The following PRPF3 variants were observed in gnomAD, a reference collection of about 807,000 sequenced individuals.
PRPF3 encodes the protein pre-mRNA processing factor 3, also known as U4/U6 small nuclear ribonucleoprotein Prp3.
Under a neutral mutation model 89.2 loss-of-function variants are expected in PRPF3, and 3 were observed. The observed-to-expected ratio is 0.03, with a 90% CI of 0.02 to 0.09. PRPF3 has a LOEUF of 0.09. Among genes scored for constraint, PRPF3 ranks in the 10% least tolerant of loss-of-function variants. PRPF3 has a pLI of 1.00. For missense variants in PRPF3, 463 were observed against 828.8 expected (o/e 0.56, Z 5.42); for synonymous variants, 270 against 289.1 (o/e 0.93, Z 0.67).
chr1:150,349,643 C>T (rs372258169), intron 15 of PRPF3, among the ~76,000 whole-genome samples: 14 of 152,120 alleles, frequency 9.2e-5, no homozygotes, highest in African/African-American at 3.4e-4. Context: ...GGGCAAGACA[C>T]TTAATGTCAA....
At chr1:150,333,303 T>TA in intron 6 of PRPF3, 104 bp downstream of exon 6, 1 of 1,272,400 alleles carries the variant, frequency 7.9e-7, no homozygotes, top group South Asian at 1.3e-5. Context: ...CTCAGGCCTG[T>TA]AATCGTAGCA....
intron 6 of PRPF3, 92 bp downstream of exon 6, chr1:150,333,291 G>T: frequency 7.3e-7 from 1 of 1,377,862 alleles, no homozygotes; most frequent in South Asian, 1.2e-5. Context: ...TGGGCGCAGT[G>T]CCTCAGGCCT....
intron 8 of PRPF3, 77 bp downstream of exon 8, chr1:150,338,403 G>A: frequency 7.2e-7 from 1 of 1,394,562 alleles, no homozygotes; most frequent in South Asian, 1.2e-5. Flanking sequence ...ATACCTTTTA[G>A]TAAAGCTATG....
At chr1:150,334,892 A>G in intron 6 of PRPF3, 43 bp from the exon 7 acceptor site, 1 of 1,609,434 alleles carries the variant, frequency 6.2e-7, no homozygotes, top group African/African-American at 1.3e-5. Context: ...TGCTTGCCTT[A>G]ATGTTCCATA....
intron 9 of PRPF3, among the ~76,000 whole-genome samples, chr1:150,341,124 AAAAG>A (rs1302766542): frequency 2.0e-5 from 3 of 149,788 alleles, no homozygotes; most frequent in South Asian, 4.2e-4. Context: ...AAAAAAAAAA[AAAAG>A]AAGAAAGAAA....
At chr1:150,339,123 T>C (rs1572243784) in intron 8 of PRPF3, among the ~76,000 whole-genome samples, 3 of 151,814 alleles carry the variant, frequency 2.0e-5, no homozygotes, top group Admixed American at 2.0e-4. Context: ...TCCAGCACTT[T>C]GGGAGGCTGA....
chr1:150,331,259 G>C (rs191442951), intron 4 of PRPF3, among the ~76,000 whole-genome samples: 11 of 152,010 alleles, frequency 7.2e-5, no homozygotes, highest in Non-Finnish European at 1.5e-4. Flanking sequence ...GGATGGTCTC[G>C]ATCTCCTGAC....
intron 3 of PRPF3, among the ~76,000 whole-genome samples, chr1:150,327,257 G>A (rs1057035740): frequency 6.6e-5 from 10 of 151,810 alleles, no homozygotes; most frequent in African/African-American, 1.5e-4. Context: ...TAGTAGAGAC[G>A]GGGTTTCATC....
intron 12 of PRPF3, 136 bp downstream of exon 12, chr1:150,344,683 C>G: frequency 1.1e-6 from 1 of 928,352 alleles, no homozygotes; most frequent in East Asian, 2.7e-5. Flanking sequence ...TAGTGTGGAT[C>G]AAGAGCTAGT....
chr1:150,339,004 T>C (rs1657365261), intron 8 of PRPF3, among the ~76,000 whole-genome samples: 1 of 152,128 alleles, frequency 6.6e-6, no homozygotes, highest in Admixed American at 6.6e-5. Flanking sequence ...TTATAGGTGT[T>C]TACATTTCCT....
At chr1:150,331,934 T>A (rs911627419) in intron 4 of PRPF3, among the ~76,000 whole-genome samples, 9 of 151,996 alleles carry the variant, frequency 5.9e-5, no homozygotes, top group South Asian at 2.1e-4. Flanking sequence ...TTAAAAAAAA[T>A]TAAGTATAGG....
chr1:150,352,701 AT>A (rs1368710234), intron 15 of PRPF3, 131 bp from the exon 16 acceptor site: 1,311 of 981,686 alleles, frequency 1.3e-3, no homozygotes, highest in Middle Eastern at 2.3e-3. Flanking sequence ...GGAGGTCACA[AT>A]TTTTTTTTAA....
At chr1:150,340,315 T>C in intron 8 of PRPF3, 83 bp from the exon 9 acceptor site, 2 of 1,044,246 alleles carry the variant, frequency 1.9e-6, no homozygotes, top group Admixed American at 3.6e-5. Flanking sequence ...AGAGAGTGGG[T>C]TTTTTCATTG....
intron 1 of PRPF3, among the ~76,000 whole-genome samples, chr1:150,321,923 CAA>C (rs782708392): frequency 5.7e-4 from 86 of 152,122 alleles, no homozygotes; most frequent in Non-Finnish European, 1.0e-3. Flanking sequence ...TTGTAGCAAA[CAA>C]GAGCACGGAG....
At chr1:150,322,876 C>CTTT (rs113626826) in intron 1 of PRPF3, among the ~76,000 whole-genome samples, 2,952 of 146,404 alleles carry the variant, frequency 0.02, 132 homozygotes, top group African/African-American at 0.071. Context: ...ATTTAGACAC[C>CTTT]TTTTTTTTTT....
At chr1:150,348,979 A>C (rs587733076) in intron 14 of PRPF3, 178 bp from the exon 15 acceptor site, 4 of 644,282 alleles carry the variant, frequency 6.2e-6, no homozygotes, top group Non-Finnish European at 1.1e-5. Flanking sequence ...AATTAATATT[A>C]CTGCCTACTT....
intron 6 of PRPF3, among the ~76,000 whole-genome samples, chr1:150,333,978 G>C (rs1553866496): frequency 6.6e-6 from 1 of 152,152 alleles, no homozygotes; most frequent in South Asian, 2.1e-4. Flanking sequence ...TGGTTGTCCT[G>C]TATACTGAAA....
rs183380793 is a variant in PRPF3, at chr1:150,345,659, A to G, written c.1641-359A>G. On this transcript the variant is annotated intron_variant, in intron 12 of 15. Transcript: ENST00000324862. ...CCACCGCACCCAGCCAAGTAATCCT[A>G]TATTATAAGAGTCTAAGGGTCTAGA... The G allele has an allele frequency of 8.1e-5, 26 of 322,488 alleles. No individual in the cohort carries two copies. In the Admixed American group the frequency reaches 8.9e-4, roughly 11 times the overall value. The allele number at this position is 322,488 out of a possible 1,614,324, so 20.0% of individuals were successfully genotyped here. A position where few individuals can be genotyped will look rare whatever the true frequency, so the allele number is the denominator to read the frequency against.
chr1:150,346,470 A>G lies in PRPF3; in HGVS notation c.1822A>G (p.Thr608Ala), dbSNP rs1390257225. 4.3e-6 allele frequency: 7 copies of G among 1,613,514 alleles called. No homozygotes were observed. Among genetic ancestry groups the G allele is most frequent in the Non-Finnish European group, 5.9e-6 (7 of 1,179,560 alleles). Reference protein sequence around the residue: ...MLHRIKWDEQTSNTKGDDDEE... With the variant: ...MLHRIKWDEQASNTKGDDDEE... ...GCATCGGATAAAGTGGGATGAACAG[A>G]CATCTAACACAAAGGGAGATGGTGA... Residue 608 changes from threonine (T) to alanine (A), a missense_variant, in exon 14 of 16, where the codon ACA (threonine) becomes GCA (alanine). Transcript: ENST00000324862.
Sources: allele counts gnomAD v4.1 joint callset (sites outside exome capture counted in the v4.1 genomes callset), GRCh38; gene constraint gnomAD v4.1.1; transcripts MANE v1.5; gene names NCBI Gene and HGNC (gene_info 2026-07-23, HGNC 2026-07-21).